IPO11: variants seen among roughly 807,000 people sequenced by gnomAD.
IPO11 encodes importin 11, also known as importin-11.
IPO11 carries 66 observed loss-of-function variants against 143.2 expected under a neutral mutation model. That is an observed-to-expected ratio of 0.46 (90% CI 0.38 to 0.57). The LOEUF (loss-of-function observed/expected upper bound fraction) is 0.57, where lower values mean the gene tolerates loss of function less well. IPO11 is among the 20% of genes least tolerant of loss of function. The probability of loss-of-function intolerance (pLI) is 0.00; values close to 1 mark genes in which losing one functional copy is unlikely to be tolerated. For missense variants in IPO11, 1,026 were observed against 1,141.0 expected (o/e 0.90, Z 1.45); for synonymous variants, 385 against 377.8 (o/e 1.02, Z -0.22).
At chr5:62,468,403 C>T (rs1157393079) in intron 6 of IPO11, among the ~76,000 whole-genome samples, 1 of 152,204 alleles carries the variant, frequency 6.6e-6, no homozygotes, top group African/African-American at 2.4e-5. Context: ...AAATCCCAAA[C>T]TGTCAGCACA....
At chr5:62,428,237 C>T (rs777404147) in intron 1 of IPO11, among the ~76,000 whole-genome samples, 4 of 152,072 alleles carry the variant, frequency 2.6e-5, no homozygotes, top group Non-Finnish European at 5.9e-5. Flanking sequence ...ATTATGTTAC[C>T]GAGGCTGATC....
intron 9 of IPO11, among the ~76,000 whole-genome samples, chr5:62,480,557 T>A (rs1024594800): frequency 3.3e-5 from 5 of 152,236 alleles, no homozygotes; most frequent in African/African-American, 1.2e-4. Context: ...CGATATTGAT[T>A]CTTCCTATCC....
intron 1 of IPO11, among the ~76,000 whole-genome samples, chr5:62,434,913 T>C (rs966253842): frequency 2.0e-5 from 3 of 150,860 alleles, no homozygotes; most frequent in African/African-American, 7.3e-5. Flanking sequence ...TAGTCGCAGC[T>C]ACTTGGGAGG....
chr5:62,617,648 A>AT (rs146061442), intron 29 of IPO11, among the ~76,000 whole-genome samples: 4,148 of 149,822 alleles, frequency 0.028, 125 homozygotes, highest in African/African-American at 0.077. Context: ...ATTAAAGTTG[A>AT]TTTTTTTTTT....
At chr5:62,453,280 A>C (rs763875117) in intron 5 of IPO11, among the ~76,000 whole-genome samples, 1 of 151,038 alleles carries the variant, frequency 6.6e-6, no homozygotes, top group Non-Finnish European at 1.5e-5. Context: ...ATGTGGTCTT[A>C]AGCAGCTTTT....
intron 3 of IPO11, among the ~76,000 whole-genome samples, chr5:62,446,843 C>T (rs1281483200): frequency 6.6e-6 from 1 of 151,968 alleles, no homozygotes; most frequent in East Asian, 1.9e-4. Context: ...GTAGTGTAAG[C>T]CTGTACTCCC....
chr5:62,599,704 A>G (rs1561381716), intron 28 of IPO11, among the ~76,000 whole-genome samples: 1 of 152,052 alleles, frequency 6.6e-6, no homozygotes, highest in Non-Finnish European at 1.5e-5. Flanking sequence ...AGAATGGAGG[A>G]GTGGCCACTT....
chr5:62,551,386 T>G (rs938423858), intron 26 of IPO11, 50 bp downstream of exon 26: 3 of 980,744 alleles, frequency 3.1e-6, no homozygotes, highest in Admixed American at 3.7e-5. Flanking sequence ...TAAATATAAA[T>G]TAGAAATAGT....
intron 5 of IPO11, among the ~76,000 whole-genome samples, chr5:62,465,027 T>TA (rs1328698238): frequency 6.6e-6 from 1 of 152,196 alleles, no homozygotes; most frequent in Non-Finnish European, 1.5e-5. Context: ...TTTGTTTTCT[T>TA]ACAAAAAGAC....
At chr5:62,464,680 A>G (rs1471594850) in intron 5 of IPO11, among the ~76,000 whole-genome samples, 2 of 151,678 alleles carry the variant, frequency 1.3e-5, no homozygotes, top group African/African-American at 2.4e-5. Flanking sequence ...GTGTTTCGCC[A>G]TGTTGCACAG....
At chr5:62,597,613 C>T (rs1006573002) in intron 28 of IPO11, among the ~76,000 whole-genome samples, 1 of 152,186 alleles carries the variant, frequency 6.6e-6, no homozygotes, top group African/African-American at 2.4e-5. Flanking sequence ...ATTACAATCT[C>T]TACACTTCCA....
chr5:62,449,217 A>G (rs145688760), intron 3 of IPO11, among the ~76,000 whole-genome samples: 279 of 152,314 alleles, frequency 1.8e-3, no homozygotes, highest in African/African-American at 6.5e-3. Flanking sequence ...TAAAATTAAC[A>G]ACACATTCAT....
intron 27 of IPO11, among the ~76,000 whole-genome samples, chr5:62,588,202 C>T (rs1455929139): frequency 6.6e-6 from 1 of 151,916 alleles, no homozygotes; most frequent in Non-Finnish European, 1.5e-5. Flanking sequence ...TCACATTTTC[C>T]AGTTTTCTTA....
chr5:62,478,140 C>A (rs1267994386), intron 9 of IPO11, among the ~76,000 whole-genome samples: 1 of 151,892 alleles, frequency 6.6e-6, no homozygotes, highest in Non-Finnish European at 1.5e-5. Context: ...GAGTGCGTGT[C>A]TTTAAGTGGT....
chr5:62,543,266 G>A (rs1743027191), intron 24 of IPO11, among the ~76,000 whole-genome samples: 1 of 152,202 alleles, frequency 6.6e-6, no homozygotes, highest in Non-Finnish European at 1.5e-5. Flanking sequence ...AATGGTACCA[G>A]CTCCTCCTTG....
chr5:62,572,597 T>G (rs1744174083), intron 27 of IPO11, among the ~76,000 whole-genome samples: 1 of 146,960 alleles, frequency 6.8e-6, no homozygotes, highest in Non-Finnish European at 1.5e-5. Context: ...TTTTGAGGCT[T>G]TGAGGCAGGG....
chr5:62,531,268 A>T (rs908035074), intron 22 of IPO11, among the ~76,000 whole-genome samples: 13 of 152,154 alleles, frequency 8.5e-5, no homozygotes, highest in African/African-American at 3.1e-4. Context: ...GCTTCAAACT[A>T]CTGGACTGAA....
At chr5:62,463,189 G>A (rs1330762637) in intron 5 of IPO11, among the ~76,000 whole-genome samples, 1 of 151,984 alleles carries the variant, frequency 6.6e-6, no homozygotes, top group Non-Finnish European at 1.5e-5. Context: ...TTACAGGCAT[G>A]TGCCACCATG....
At chr5:62,505,696 G>A (rs945306825) in intron 18 of IPO11, among the ~76,000 whole-genome samples, 1 of 151,878 alleles carries the variant, frequency 6.6e-6, no homozygotes, top group Admixed American at 6.6e-5. Context: ...CAGACATAGG[G>A]TATTTGTTTT....
Sources: allele counts gnomAD v4.1 joint callset (sites outside exome capture counted in the v4.1 genomes callset), GRCh38; gene constraint gnomAD v4.1.1; transcripts MANE v1.5; gene names NCBI Gene and HGNC (gene_info 2026-07-23, HGNC 2026-07-21).